CACNA2D3: variants seen among roughly 807,000 people sequenced by gnomAD.
The protein encoded by CACNA2D3 is calcium voltage-gated channel auxiliary subunit alpha2delta 3, also known as voltage-dependent calcium channel subunit alpha-2/delta-3.
A neutral mutation model predicts 160.6 loss-of-function variants in CACNA2D3; 60 were observed. That is an observed-to-expected ratio of 0.37 (90% CI 0.30 to 0.46). The LOEUF (loss-of-function observed/expected upper bound fraction) is 0.46, where lower values mean the gene tolerates loss of function less well. Among genes scored for constraint, CACNA2D3 ranks in the 20% least tolerant of loss-of-function variants. CACNA2D3 has a pLI of 1.00. For synonymous variants in CACNA2D3, 558 were observed against 492.9 expected (o/e 1.13, Z -1.75); for missense variants, 1,205 against 1,365.0 (o/e 0.88, Z 1.85).
chr3:54,452,670 A>G (rs9654002), intron 4 of CACNA2D3, among the ~76,000 whole-genome samples: 3 of 151,998 alleles, frequency 2.0e-5, no homozygotes, highest in Non-Finnish European at 4.4e-5. Flanking sequence ...AATCTGTATT[A>G]ATTTCCCAGG....
At chr3:54,910,046 T>C (rs1559625472) in intron 27 of CACNA2D3, among the ~76,000 whole-genome samples, 1 of 152,142 alleles carries the variant, frequency 6.6e-6, no homozygotes, top group Admixed American at 6.5e-5. Context: ...TCCCAAAGTT[T>C]GCACTTACCA....
Position 54,281,042 on chromosome 3 carries a change from C to T in CACNA2D3, c.205-39400C>T, listed in dbSNP as rs770023402. On this transcript the variant is annotated intron_variant, in intron 2 of 37. Transcript: ENST00000474759. ...CTTCAGCATCCACCCTAGAGGCTGG[C>T]ACACTGGTTTGTGTTTATTGAATGG... 5.3e-5 allele frequency among the ~76,000 whole-genome samples: 8 copies of T among 152,176 alleles called. 1 individual carries two copies. Among genetic ancestry groups the T allele is most frequent in the Non-Finnish European group, 1.2e-4 (8 of 68,042 alleles).
intron 35 of CACNA2D3, among the ~76,000 whole-genome samples, chr3:55,046,190 C>T (rs997159747): frequency 2.7e-5 from 4 of 147,494 alleles, no homozygotes; most frequent in Non-Finnish European, 4.5e-5. Context: ...CATGCTGGTG[C>T]GCTGCACCCA....
At chr3:54,916,319 A>G (rs1043416925) in intron 27 of CACNA2D3, among the ~76,000 whole-genome samples, 2 of 152,254 alleles carry the variant, frequency 1.3e-5, no homozygotes, top group Non-Finnish European at 2.9e-5. Context: ...GTCCAGGGCC[A>G]TGGAAAGAAA....
At chr3:54,522,302 G>A in intron 5 of CACNA2D3, among the ~76,000 whole-genome samples, 1 of 152,042 alleles carries the variant, frequency 6.6e-6, no homozygotes. Flanking sequence ...TATTATAAAT[G>A]AAATTGTTTT....
intron 4 of CACNA2D3, among the ~76,000 whole-genome samples, chr3:54,435,271 C>T (rs1236607812): frequency 5.3e-5 from 8 of 152,162 alleles, no homozygotes; most frequent in Admixed American, 3.3e-4. Context: ...AAGCAACTTT[C>T]GTATGCATTC....
At chr3:54,446,409 G>T (rs963093943) in intron 4 of CACNA2D3, among the ~76,000 whole-genome samples, 11 of 152,176 alleles carry the variant, frequency 7.2e-5, no homozygotes, top group African/African-American at 2.7e-4. Flanking sequence ...CCCACAGGTG[G>T]TGAAGGGCAG....
chr3:54,576,866 G>A (rs1471875497), intron 8 of CACNA2D3, among the ~76,000 whole-genome samples: 1 of 152,050 alleles, frequency 6.6e-6, no homozygotes. Context: ...AGACCTTGTT[G>A]CTACAAATAA....
intron 3 of CACNA2D3, among the ~76,000 whole-genome samples, chr3:54,334,547 G>A (rs1704333197): frequency 1.3e-5 from 2 of 152,126 alleles, no homozygotes; most frequent in African/African-American, 2.4e-5. Context: ...ACCTCCCTGA[G>A]TCTCAGTTTT....
chr3:54,776,063 G>T (rs1226314308), intron 13 of CACNA2D3, among the ~76,000 whole-genome samples: 3 of 152,154 alleles, frequency 2.0e-5, no homozygotes, highest in South Asian at 2.1e-4. Context: ...AGTGTGTGTT[G>T]TGTATCTGAG....
At chr3:54,701,683 T>C (rs1238656374) in intron 11 of CACNA2D3, among the ~76,000 whole-genome samples, 2 of 152,180 alleles carry the variant, frequency 1.3e-5, no homozygotes, top group African/African-American at 4.8e-5. Flanking sequence ...AAGCAATTTA[T>C]AGATTCAGTG....
intron 4 of CACNA2D3, among the ~76,000 whole-genome samples, chr3:54,471,334 A>G (rs922085743): frequency 1.3e-5 from 2 of 152,352 alleles, no homozygotes; most frequent in South Asian, 2.1e-4. Flanking sequence ...GCAGAAATAT[A>G]TAAGTTCTTT....
intron 9 of CACNA2D3, chr3:54,626,529 G>C: frequency 6.2e-7 from 1 of 1,607,578 alleles, no homozygotes. Flanking sequence ...ACCAGGTGGA[G>C]ATCAAGCCCG....
At chr3:54,851,836 A>G (rs999394821) in intron 17 of CACNA2D3, among the ~76,000 whole-genome samples, 2 of 152,362 alleles carry the variant, frequency 1.3e-5, no homozygotes, top group South Asian at 4.1e-4. Flanking sequence ...GTGATATTTT[A>G]CATTCTTTTC....
At chr3:54,747,216 C>G (rs918785821) in intron 11 of CACNA2D3, among the ~76,000 whole-genome samples, 7 of 152,030 alleles carry the variant, frequency 4.6e-5, no homozygotes, top group African/African-American at 1.7e-4. Flanking sequence ...TATCCCTGGG[C>G]CTACTTTATT....
intron 5 of CACNA2D3, among the ~76,000 whole-genome samples, chr3:54,514,967 G>A (rs971766565): frequency 4.6e-5 from 7 of 152,254 alleles, no homozygotes; most frequent in Non-Finnish European, 8.8e-5. Flanking sequence ...AAAGAAAGCC[G>A]TTCAATCTGA....
intron 34 of CACNA2D3, among the ~76,000 whole-genome samples, chr3:55,015,855 C>T (rs907958862): frequency 2.6e-5 from 4 of 152,266 alleles, no homozygotes; most frequent in South Asian, 2.1e-4. Context: ...ACAAAACAGA[C>T]GCACTGAAAA....
chr3:54,576,091 C>A (rs1702576943), intron 8 of CACNA2D3, among the ~76,000 whole-genome samples: 2 of 152,156 alleles, frequency 1.3e-5, no homozygotes, highest in Admixed American at 1.3e-4. Flanking sequence ...AGCTTCAGGG[C>A]AGGGTGTTGA....
intron 10 of CACNA2D3, among the ~76,000 whole-genome samples, chr3:54,628,976 C>A (rs1699178501): frequency 6.6e-6 from 1 of 152,086 alleles, no homozygotes; most frequent in Non-Finnish European, 1.5e-5. Context: ...CAGAAAATGC[C>A]TATCCCCTGA....
Sources: allele counts gnomAD v4.1 joint callset (sites outside exome capture counted in the v4.1 genomes callset), GRCh38; gene constraint gnomAD v4.1.1; transcripts MANE v1.5; gene names NCBI Gene and HGNC (gene_info 2026-07-23, HGNC 2026-07-21).